The following PCDHA3 variants were observed in gnomAD, a reference collection of about 807,000 sequenced individuals.
The protein encoded by PCDHA3 is protocadherin alpha-3.
A neutral mutation model predicts 62.2 loss-of-function variants in PCDHA3; 41 were observed. The ratio of observed to expected loss-of-function variants is 0.66; its 90% CI spans 0.51 to 0.86. The LOEUF (loss-of-function observed/expected upper bound fraction) is 0.86. Among genes scored for constraint, PCDHA3 ranks in the 40% least tolerant of loss-of-function variants. The pLI is 0.00. For missense variants in PCDHA3, 1,304 were observed against 1,241.2 expected, an observed-to-expected ratio of 1.05 and a Z score of -0.76; for synonymous variants, 640 against 555.4, an observed-to-expected ratio of 1.15 and a Z score of -2.14.
At chr5:140,884,078 A>C (rs2059981897) in intron 1 of PCDHA3, 5 of 1,613,512 alleles carry the variant, frequency 3.1e-6, no homozygotes, top group Non-Finnish European at 4.2e-6. Flanking sequence ...TTCGGGCTAC[A>C]ATGCGTGGCT....
At chr5:140,941,321 T>C (rs1220701599) in intron 1 of PCDHA3, among the ~76,000 whole-genome samples, 5 of 62,540 alleles carry the variant, frequency 8.0e-5, no homozygotes, top group African/African-American at 2.0e-4. Context: ...TTCTTTCTCT[T>C]TTTTTTTTTT....
intron 1 of PCDHA3, chr5:140,856,950 T>C: frequency 6.3e-7 from 1 of 1,593,338 alleles, no homozygotes; most frequent in Non-Finnish European, 8.6e-7. Flanking sequence ...ACGGGAGAAA[T>C]AAAAGTAAAT....
chr5:140,969,307 A>C (rs2096316993), intron 1 of PCDHA3: 1 of 1,614,192 alleles, frequency 6.2e-7, no homozygotes, highest in Non-Finnish European at 8.5e-7. Flanking sequence ...TTATTCTCAA[A>C]AATGAGGCTG....
At chr5:140,821,899 A>G (rs1767104322) in intron 1 of PCDHA3, 1 of 1,614,162 alleles carries the variant, frequency 6.2e-7, no homozygotes, top group Non-Finnish European at 8.5e-7. Flanking sequence ...CAAACACGGA[A>G]CCTTCGTTGG....
chr5:140,904,416 A>T (rs930452191), intron 1 of PCDHA3, among the ~76,000 whole-genome samples: 1 of 150,980 alleles, frequency 6.6e-6, no homozygotes, highest in Non-Finnish European at 1.5e-5. Context: ...TATATAATAC[A>T]TATATTTTAT....
rs2150270222 is a variant in PCDHA3 at position 140,836,801 on chromosome 5, A to C, written c.2394+33210A>C. On this transcript the variant is annotated intron_variant, in intron 1 of 3. Coordinates refer to ENST00000522353, the MANE Select transcript of PCDHA3 (RefSeq NM_018906.3). ...ACAATTAGTTCAATTGGTCTCCTTA[A>C]ATTTTCTTTCATAATTTCTTTTTTA... 27 of 1,338,446 alleles carry C rather than the reference A, an allele frequency of 2.0e-5. No homozygotes were observed. In the Admixed American group the frequency reaches 4.4e-4, roughly 22 times the overall value. 82.9% of individuals were successfully genotyped at this position (1,338,446 alleles called of 1,614,324 possible). A position where few individuals can be genotyped will look rare whatever the true frequency, so the allele number is the denominator to read the frequency against.
At chr5:140,881,185 A>G (rs893291095) in intron 1 of PCDHA3, 7 of 166,796 alleles carry the variant, frequency 4.2e-5, no homozygotes, top group African/African-American at 1.7e-4. Flanking sequence ...CTTGCTAAAG[A>G]TATGTTAACA....
At chr5:140,856,963 T>C (rs1249230816) in intron 1 of PCDHA3, 1 of 1,590,702 alleles carries the variant, frequency 6.3e-7, no homozygotes, top group African/African-American at 1.3e-5. Context: ...AAGTAAATGA[T>C]GCTATTGACT....
rs782597550 is a variant in PCDHA3 at position 140,934,018 on chromosome 5, TG to T, written c.2395-44929del. ...ACCTCTCATTTTTCTTGACTAGACTTGGAAGTAGTTTATTAATGATATTAGT... is the reference window on the plus strand; with the variant it reads ...ACCTCTCATTTTTCTTGACTAGACTTGAAGTAGTTTATTAATGATATTAGT... On this transcript the variant is annotated intron_variant, in intron 1 of 3. Coordinates refer to ENST00000522353, the MANE Select transcript of PCDHA3 (RefSeq NM_018906.3). Among the ~76,000 whole-genome samples the T allele has an allele frequency of 2.6e-4, 40 of 152,182 alleles. 1 individual carries two copies. The highest frequency in any genetic ancestry group is 3.4e-3 in the Middle Eastern group (1 of 294).
At position 140,828,154 on chromosome 5, in the gene PCDHA3, C is replaced by T. The variant is rs2150151490; in HGVS notation, c.2394+24563C>T. 28 of 1,614,164 alleles carry T rather than the reference C, an allele frequency of 1.7e-5. No homozygotes were observed. The Admixed American group carries it at 2.5e-4, about 14-fold the overall frequency. On this transcript the variant is annotated intron_variant, in intron 1 of 3. Coordinates refer to ENST00000522353, the MANE Select transcript of PCDHA3 (RefSeq NM_018906.3). The stretch of plus-strand genomic sequence containing the variant: ...GTCTGCTCCTCCCGCTTCTGCTCCT[C>T]GCAGCCTGGAAGGTGGGGAGCGGCC...
intron 1 of PCDHA3, among the ~76,000 whole-genome samples, chr5:140,930,655 C>T (rs1554207993): frequency 6.6e-6 from 1 of 152,110 alleles, no homozygotes; most frequent in Non-Finnish European, 1.5e-5. Context: ...TGAAGCATTC[C>T]TTGTTTTACT....
intron 1 of PCDHA3, chr5:140,823,120 G>A (rs2150122509): frequency 6.2e-7 from 1 of 1,614,058 alleles, no homozygotes; most frequent in Non-Finnish European, 8.5e-7. Context: ...CGACGTGAAC[G>A]ACAACGCTCC....
At chr5:140,836,841 G>A in intron 1 of PCDHA3, 1 of 836,020 alleles carries the variant, frequency 1.2e-6, no homozygotes, top group South Asian at 2.1e-5. Context: ...ATAGCTTTAT[G>A]TATAATTATT....
chr5:140,865,532 C>T (rs1340228056), intron 1 of PCDHA3: 1 of 152,096 alleles, frequency 6.6e-6, no homozygotes, highest in Non-Finnish European at 1.5e-5. Context: ...TTCTCTTCAT[C>T]CATAGCTATA....
At chr5:140,889,645 A>AG (rs1314365000) in intron 1 of PCDHA3, among the ~76,000 whole-genome samples, 1 of 152,040 alleles carries the variant, frequency 6.6e-6, no homozygotes, top group African/African-American at 2.4e-5. Context: ...TTGTGTTTGC[A>AG]GGAGATGTCC....
chr5:140,803,429 G>T lies in PCDHA3; in HGVS notation c.2232G>T (p.Ala744=), dbSNP rs782400745. 2 of 1,614,224 alleles carry T rather than the reference G, an allele frequency of 1.2e-6. No individual in the cohort carries two copies. Among genetic ancestry groups the T allele is most frequent in the Non-Finnish European group, 8.5e-7 (1 of 1,180,048 alleles). Residue 744 remains alanine, a synonymous_variant, in exon 1 of 4, where the codon GCG becomes GCT. Transcript: ENST00000522353. ...PGKPTLVCSS[A]VGSWSYSQQR... ...AGCCCACGCTGGTGTGCTCCAGCGC[G>T]GTGGGGAGCTGGTCATACTCGCAGC...
intron 1 of PCDHA3, chr5:140,829,809 C>A: frequency 1.2e-6 from 2 of 1,613,854 alleles, no homozygotes; most frequent in Non-Finnish European, 1.7e-6. Flanking sequence ...GTGGGTGGTA[C>A]TGGTGGTGCA....
chr5:140,809,605 G>T, intron 1 of PCDHA3: 1 of 1,524,890 alleles, frequency 6.6e-7, no homozygotes, highest in Admixed American at 2.2e-5. Context: ...TTTAATTTTC[G>T]TATTGTTTTT....
intron 1 of PCDHA3, chr5:140,967,204 G>T: frequency 3.7e-6 from 6 of 1,613,634 alleles, no homozygotes; most frequent in Non-Finnish European, 5.1e-6. Context: ...ACAACTCACC[G>T]CGTTTCCCGC....
Sources: gnomAD v4.1 joint callset for allele counts (sites outside exome capture counted in the v4.1 genomes callset) on GRCh38, gnomAD v4.1.1 for gene constraint, MANE v1.5 for transcripts, NCBI Gene and HGNC (gene_info 2026-07-23, HGNC 2026-07-21) for gene names.